The following TVP23C variants were observed in gnomAD, a reference collection of about 807,000 sequenced individuals.
The protein encoded by TVP23C is trans-golgi network vesicle protein 23 homolog C, also known as Golgi apparatus membrane protein TVP23 homolog C.
In TVP23C, 19 loss-of-function variants were observed where a neutral mutation model predicts 28.7. That is an observed-to-expected ratio of 0.66 (90% CI 0.46 to 0.97). The LOEUF is 0.97. Among genes scored for constraint, TVP23C ranks in the 50% least tolerant of loss-of-function variants. TVP23C has a pLI of 0.00. For missense variants in TVP23C, 186 were observed against 241.3 expected (o/e 0.77, Z 1.52); for synonymous variants, 68 against 81.7 (o/e 0.83, Z 0.90).
At chr17:15,548,463 C>T (rs1009072287) in intron 3 of TVP23C, among the ~76,000 whole-genome samples, 11 of 152,164 alleles carry the variant, frequency 7.2e-5, no homozygotes, top group Non-Finnish European at 1.5e-4. Context: ...CCACGCACGG[C>T]CTCAAAATAC....
intron 5 of TVP23C, among the ~76,000 whole-genome samples, chr17:15,510,129 T>G (rs965858774): frequency 3.3e-5 from 5 of 152,216 alleles, no homozygotes; most frequent in African/African-American, 7.2e-5. Flanking sequence ...ATGTCTAGAA[T>G]TGTGTTTGAT....
chr17:15,532,068 T>C (rs914385230), downstream of TVP23C, among the ~76,000 whole-genome samples: 4 of 152,140 alleles, frequency 2.6e-5, no homozygotes, highest in Non-Finnish European at 4.4e-5. Flanking sequence ...GGGATTTCCT[T>C]AAGTGGTTGA....
intron 5 of TVP23C, among the ~76,000 whole-genome samples, chr17:15,507,784 A>G (rs891704716): frequency 2.6e-5 from 4 of 152,164 alleles, no homozygotes; most frequent in Non-Finnish European, 5.9e-5. Context: ...GCTTGCAGTG[A>G]GCCGAGATGG....
chr17:15,523,300 A>C (rs1982563058), intron 5 of TVP23C, among the ~76,000 whole-genome samples: 6 of 144,022 alleles, frequency 4.2e-5, no homozygotes, highest in East Asian at 2.2e-4. Flanking sequence ...CCACCCCGCC[A>C]GGCCTTTTTT....
At chr17:15,535,437 C>A (rs1397557188), downstream of TVP23C, among the ~76,000 whole-genome samples, 1 of 150,830 alleles carries the variant, frequency 6.6e-6, no homozygotes, top group Admixed American at 6.6e-5. Context: ...CAACCGAGAG[C>A]CTAGCTGAGG....
intron 5 of TVP23C, among the ~76,000 whole-genome samples, chr17:15,527,492 T>G (rs1421932673): frequency 1.3e-5 from 2 of 152,168 alleles, no homozygotes. Flanking sequence ...TCCTGACTGC[T>G]GCAACTTTAG....
At chr17:15,555,589 G>A (rs1326973484) in intron 1 of TVP23C, among the ~76,000 whole-genome samples, 1 of 152,132 alleles carries the variant, frequency 6.6e-6, no homozygotes, top group African/African-American at 2.4e-5. Flanking sequence ...CTCCATCCCT[G>A]CCCCTAGGCT....
chr17:15,555,340 C>A lies in TVP23C; in HGVS notation c.37G>T (p.Val13Phe). The A allele has an allele frequency of 1.9e-6, 3 of 1,613,970 alleles. No homozygotes were observed. Among genetic ancestry groups the A allele is most frequent in the Non-Finnish European group, 2.5e-6 (3 of 1,179,864 alleles). The change falls in exon 2 of 6, where the codon GTT becomes TTT. Residue 13 changes from valine (V) to phenylalanine (F), a missense_variant. Transcript: ENST00000518321. ...TCCTCTTCCGCATCAAACAGTGAAA[C>A]ATCTTCAGTGTCATCATTACTATCC... is the stretch of plus-strand genomic sequence containing the variant. Reference protein sequence around the residue: ...QQDSNDDTEDVSLFDAEEETT... With the variant: ...QQDSNDDTEDFSLFDAEEETT...
At chr17:15,561,626 GAATGAATA>G (rs1331667010) in intron 1 of TVP23C, among the ~76,000 whole-genome samples, 336 of 127,162 alleles carry the variant, frequency 2.6e-3, no homozygotes, top group African/African-American at 7.5e-3. Flanking sequence ...ATGAATGAAT[GAATGAATA>G]AATAAATAAA....
At chr17:15,541,017 G>A (rs931613554) in intron 5 of TVP23C, among the ~76,000 whole-genome samples, 6 of 152,186 alleles carry the variant, frequency 3.9e-5, no homozygotes, top group African/African-American at 7.2e-5. Context: ...TCTGCTCTAC[G>A]TGACAACTGG....
At chr17:15,557,418 G>A (rs1984183427) in intron 1 of TVP23C, among the ~76,000 whole-genome samples, 1 of 146,300 alleles carries the variant, frequency 6.8e-6, no homozygotes, top group African/African-American at 2.5e-5. Flanking sequence ...TCAGCCTCCT[G>A]AGTAACTGGG....
chr17:15,502,450 T>A (rs1038769791), exon 6 of TVP23C: 4 of 170,496 alleles, frequency 2.3e-5, no homozygotes, highest in Admixed American at 6.3e-5. Context: ...CTCCACCCCT[T>A]CCCTCTTCGT....
At chr17:15,544,616 G>A (rs949941285) in intron 5 of TVP23C, among the ~76,000 whole-genome samples, 2 of 151,898 alleles carry the variant, frequency 1.3e-5, no homozygotes, top group African/African-American at 4.8e-5. Context: ...GGTAGGAGGA[G>A]GGAGAAGTTA....
intron 5 of TVP23C, among the ~76,000 whole-genome samples, chr17:15,508,147 T>C (rs1474287152): frequency 6.6e-6 from 1 of 152,182 alleles, no homozygotes; most frequent in Non-Finnish European, 1.5e-5. Context: ...ATGCGTCCCA[T>C]GGACTGACTG....
intron 5 of TVP23C, among the ~76,000 whole-genome samples, chr17:15,544,313 G>C (rs1455742774): frequency 6.6e-6 from 1 of 152,220 alleles, no homozygotes; most frequent in Non-Finnish European, 1.5e-5. Context: ...GCTGCAATAA[G>C]ACTGGTGATA....
At chr17:15,530,365 TA>T (rs1982904542) in intron 5 of TVP23C, among the ~76,000 whole-genome samples, 1 of 152,212 alleles carries the variant, frequency 6.6e-6, no homozygotes, top group Admixed American at 6.5e-5. Flanking sequence ...TAACATAAAG[TA>T]GGTTCAGATT....
At chr17:15,542,766 A>G (rs535683527) in intron 5 of TVP23C, among the ~76,000 whole-genome samples, 6 of 152,234 alleles carry the variant, frequency 3.9e-5, no homozygotes, top group South Asian at 4.1e-4. Flanking sequence ...ATGAGCCACC[A>G]TGCCAAGGTC....
At chr17:15,507,219 TG>T in intron 5 of TVP23C, 1 of 731,046 alleles carries the variant, frequency 1.4e-6, no homozygotes. Flanking sequence ...CAAGACAGCG[TG>T]GTTGAATGGG....
rs562217283 is a variant in TVP23C at position 15,552,429 on chromosome 17, C to T, written c.240+1256G>A. Among the ~76,000 whole-genome samples the T allele has an allele frequency of 6.6e-5, 10 of 152,362 alleles. No individual in the cohort carries two copies. The South Asian group carries it at 2.1e-3, about 32-fold the overall frequency. ...AGGCGCAGTGGCTCACGCCTGTAAT[C>T]CCAGCACTTTGGGAGGCTGAGGCGG... On this transcript the variant is annotated intron_variant, in intron 3 of 5. Transcript: ENST00000518321.
Sources: allele counts gnomAD v4.1 joint callset (sites outside exome capture counted in the v4.1 genomes callset), GRCh38; gene constraint gnomAD v4.1.1; transcripts MANE v1.5; gene names NCBI Gene and HGNC (gene_info 2026-07-23, HGNC 2026-07-21).